Variants in CNTN5 observed in about 807,000 individuals in gnomAD.
The protein encoded by CNTN5 is contactin-5.
CNTN5 carries 77 observed loss-of-function variants against 129.1 expected under a neutral mutation model. That is an observed-to-expected ratio of 0.60 (90% CI 0.50 to 0.72). CNTN5 has a LOEUF of 0.72. CNTN5 is among the 30% of genes least tolerant of loss of function. The pLI, the probability that CNTN5 is intolerant of heterozygous loss-of-function variation, is 0.00. For missense variants in CNTN5, 1,478 were observed against 1,328.8 expected (o/e 1.11, Z -1.75); for synonymous variants, 509 against 465.6 (o/e 1.09, Z -1.20).
At chr11:99,099,492 C>T (rs961689222) in intron 1 of CNTN5, among the ~76,000 whole-genome samples, 2 of 151,916 alleles carry the variant, frequency 1.3e-5, no homozygotes, top group Admixed American at 1.3e-4. Context: ...AATTCCATTA[C>T]ATAGTCACAC....
intron 3 of CNTN5, among the ~76,000 whole-genome samples, chr11:99,620,714 C>CA (rs1430739522): frequency 6.6e-6 from 1 of 151,662 alleles, no homozygotes; most frequent in Non-Finnish European, 1.5e-5. Context: ...GCCCCCGCTC[C>CA]CCCCCGGCCA....
intron 2 of CNTN5, among the ~76,000 whole-genome samples, chr11:99,492,001 G>A (rs1946054628): frequency 6.6e-6 from 1 of 152,102 alleles, no homozygotes; most frequent in African/African-American, 2.4e-5. Flanking sequence ...ATTCCTGCAA[G>A]GAATTGTGCT....
intron 15 of CNTN5, among the ~76,000 whole-genome samples, chr11:100,199,918 A>C (rs2138543866): frequency 6.6e-6 from 1 of 152,148 alleles, no homozygotes; most frequent in East Asian, 1.9e-4. Context: ...CTGTTTCAAT[A>C]AAAACAAAAC....
intron 1 of CNTN5, among the ~76,000 whole-genome samples, chr11:99,253,177 A>C (rs1291744896): frequency 6.6e-6 from 1 of 152,054 alleles, no homozygotes; most frequent in Admixed American, 6.6e-5. Context: ...GTAGTGAATA[A>C]GTCTCACGAG....
chr11:99,295,523 T>C (rs1210671216), intron 1 of CNTN5, among the ~76,000 whole-genome samples: 1 of 152,232 alleles, frequency 6.6e-6, no homozygotes, highest in Non-Finnish European at 1.5e-5. Context: ...AATGATGTCC[T>C]TCTAGAAGAC....
At chr11:99,376,059 G>C (rs939776749) in intron 2 of CNTN5, among the ~76,000 whole-genome samples, 1 of 151,938 alleles carries the variant, frequency 6.6e-6, no homozygotes, top group Admixed American at 6.6e-5. Context: ...AAAAACTTGC[G>C]GATGATGCAA....
intron 2 of CNTN5, among the ~76,000 whole-genome samples, chr11:99,465,656 A>G (rs1171982505): frequency 6.6e-6 from 1 of 151,542 alleles, no homozygotes; most frequent in African/African-American, 2.4e-5. Context: ...GATAAGCTGT[A>G]TTGGTCTGTT....
chr11:100,041,307 A>C (rs1225656683), intron 9 of CNTN5, among the ~76,000 whole-genome samples: 1 of 152,112 alleles, frequency 6.6e-6, no homozygotes, highest in Non-Finnish European at 1.5e-5. Context: ...CTATGTCCAT[A>C]CTTCCTCTAA....
At chr11:99,986,855 A>G (rs1938710183) in intron 8 of CNTN5, among the ~76,000 whole-genome samples, 2 of 152,222 alleles carry the variant, frequency 1.3e-5, no homozygotes, top group South Asian at 4.1e-4. Context: ...TCCAAAATAA[A>G]GTAATGGCAA....
chr11:100,281,236 G>A (rs1306163610), intron 18 of CNTN5, among the ~76,000 whole-genome samples: 1 of 152,016 alleles, frequency 6.6e-6, no homozygotes, highest in Non-Finnish European at 1.5e-5. Context: ...TTTTCTTTCT[G>A]ATTGAAGTAT....
At chr11:99,164,779 G>C (rs1363864372) in intron 1 of CNTN5, among the ~76,000 whole-genome samples, 1 of 152,104 alleles carries the variant, frequency 6.6e-6, no homozygotes, top group Non-Finnish European at 1.5e-5. Flanking sequence ...AGCACAAGTT[G>C]AGTATGATTA....
In CNTN5 at chr11:100,235,463, G is replaced by C. The variant is rs144972245; in HGVS notation, c.2005+10651G>C. Among the ~76,000 whole-genome samples the C allele has an allele frequency of 9.9e-3, 1,513 of 152,244 alleles. 34 individuals carry two copies. Among genetic ancestry groups the C allele is most frequent in the African/African-American group, 0.035 (1,440 of 41,550 alleles). On this transcript the variant is annotated intron_variant, in intron 16 of 24. Coordinates refer to ENST00000524871, the MANE Select transcript of CNTN5 (RefSeq NM_014361.4). ...GGCAGAGGGCGAGGAGTATGCTGAG[G>C]GAGGAGGAGGCGGTAAGGTAGATGA...
At chr11:100,035,491 T>G (rs553465513) in intron 9 of CNTN5, among the ~76,000 whole-genome samples, 2 of 146,900 alleles carry the variant, frequency 1.4e-5, no homozygotes, top group Non-Finnish European at 3.0e-5. Flanking sequence ...TACCCAGTAA[T>G]GGGATGGCTG....
At chr11:99,025,284 G>A (rs1863062415) in intron 1 of CNTN5, among the ~76,000 whole-genome samples, 1 of 151,954 alleles carries the variant, frequency 6.6e-6, no homozygotes, top group South Asian at 2.1e-4. Flanking sequence ...CCAATTAAAG[G>A]GAAAGTGACT....
rs531284131 is a variant in CNTN5 at position 100,210,180 on chromosome 11, A to G, written c.1885-14512A>G. 2.4e-4 allele frequency among the ~76,000 whole-genome samples: 36 copies of G among 149,286 alleles called. No individual in the cohort carries two copies. In the South Asian group the frequency reaches 7.3e-3, roughly 30 times the overall value. Reference sequence around the variant, plus strand: ...GTGAAAACCTGCCTCTATACAAAAAAAAAAAAAAAAAAATACAAAAAATTA... The same window carrying G: ...GTGAAAACCTGCCTCTATACAAAAAGAAAAAAAAAAAAATACAAAAAATTA... On this transcript the variant is annotated intron_variant, in intron 15 of 24. Coordinates refer to ENST00000524871, the MANE Select transcript of CNTN5 (RefSeq NM_014361.4).
intron 13 of CNTN5, among the ~76,000 whole-genome samples, chr11:100,173,128 C>T (rs181476426): frequency 1.3e-5 from 2 of 152,190 alleles, no homozygotes; most frequent in African/African-American, 4.8e-5. Flanking sequence ...TCAGACAGCT[C>T]CTCCAGAGCC....
At chr11:99,510,061 C>A (rs572123553) in intron 2 of CNTN5, among the ~76,000 whole-genome samples, 1 of 151,476 alleles carries the variant, frequency 6.6e-6, no homozygotes, top group Non-Finnish European at 1.5e-5. Context: ...GCTTAAATTG[C>A]GTAATACTGG....
At position 99,671,104 on chromosome 11, in the gene CNTN5, C is replaced by T. The variant is rs1182002002; in HGVS notation, c.55+114835C>T. ...TTTCTTGTGAGTTCTCTCGCTCGCT[C>T]GCTCGCTCTTGCTCTCTCTCTCTTG... On this transcript the variant is annotated intron_variant, in intron 3 of 24. Coordinates refer to ENST00000524871, the MANE Select transcript of CNTN5 (RefSeq NM_014361.4). 2.1e-4 allele frequency among the ~76,000 whole-genome samples: 32 copies of T among 151,436 alleles called. No homozygotes were observed. In the East Asian group the frequency reaches 2.5e-3, roughly 12 times the overall value.
chr11:99,650,756 T>C (rs950237259), intron 3 of CNTN5, among the ~76,000 whole-genome samples: 7 of 151,952 alleles, frequency 4.6e-5, no homozygotes, highest in Non-Finnish European at 8.8e-5. Context: ...ATTATGACTT[T>C]TTCATTGTAA....
Sources: gnomAD v4.1 joint callset for allele counts (sites outside exome capture counted in the v4.1 genomes callset) on GRCh38, gnomAD v4.1.1 for gene constraint, MANE v1.5 for transcripts, NCBI Gene and HGNC (gene_info 2026-07-23, HGNC 2026-07-21) for gene names.